KCNN2: variants seen among roughly 807,000 people sequenced by gnomAD.
KCNN2 encodes potassium calcium-activated channel subfamily N member 2.
A neutral mutation model predicts 55.5 loss-of-function variants in KCNN2; 24 were observed. That is an observed-to-expected ratio of 0.43 (90% CI 0.31 to 0.61). The LOEUF (loss-of-function observed/expected upper bound fraction) is 0.61. KCNN2 is among the 20% of genes least tolerant of loss of function. The probability of loss-of-function intolerance (pLI) is 0.08; values close to 1 mark genes in which losing one functional copy is unlikely to be tolerated. For missense variants in KCNN2, 754 were observed against 853.6 expected (o/e 0.88, Z 1.45); for synonymous variants, 431 against 336.1 (o/e 1.28, Z -3.09).
intron 2 of KCNN2, among the ~76,000 whole-genome samples, chr5:114,301,907 C>T (rs1053367271): frequency 1.3e-5 from 2 of 152,224 alleles, no homozygotes; most frequent in South Asian, 2.1e-4. Context: ...CTTATGTTAT[C>T]TCTAATACCC....
chr5:114,467,022 C>T (rs1761484393), intron 4 of KCNN2, among the ~76,000 whole-genome samples: 1 of 152,186 alleles, frequency 6.6e-6, no homozygotes, highest in South Asian at 2.1e-4. Context: ...AGCCTTTACA[C>T]AGCCTTGCCT....
chr5:114,411,203 T>G (rs1049460571), intron 3 of KCNN2, among the ~76,000 whole-genome samples: 3 of 152,176 alleles, frequency 2.0e-5, no homozygotes, highest in Non-Finnish European at 4.4e-5. Flanking sequence ...TTCACTCTAT[T>G]TTTTGTCACC....
rs1454757701 is a variant in KCNN2, at chr5:114,484,024, T to C, written c.1891-3026T>C. On this transcript the variant is annotated intron_variant, in intron 5 of 7. Coordinates refer to ENST00000673685, the MANE Select transcript of KCNN2 (RefSeq NM_021614.4). ...ATAATTCATCCATTATATGAATCTG[T>C]ATACCCTTGTTATCAAGAGGGTCCT... 3.3e-5 allele frequency among the ~76,000 whole-genome samples: 5 copies of C among 152,328 alleles called. No individual in the cohort carries two copies. In the East Asian group the frequency reaches 7.7e-4, roughly 24 times the overall value.
chr5:114,394,094 C>T (rs181455846), intron 2 of KCNN2, among the ~76,000 whole-genome samples: 141 of 152,226 alleles, frequency 9.3e-4, no homozygotes, highest in Admixed American at 3.7e-3. Context: ...TGCTCTCCTC[C>T]GATTGTACCA....
At chr5:114,076,545 A>G (rs539106720) in intron 1 of KCNN2, among the ~76,000 whole-genome samples, 15 of 152,248 alleles carry the variant, frequency 9.9e-5, no homozygotes, top group Non-Finnish European at 2.1e-4. Context: ...ATCCCATGAC[A>G]TGAGTGTCAG....
intron 3 of KCNN2, among the ~76,000 whole-genome samples, chr5:114,405,151 G>A (rs1168890051): frequency 2.0e-5 from 3 of 152,168 alleles, no homozygotes; most frequent in Non-Finnish European, 4.4e-5. Context: ...ACTTTTATTG[G>A]AAATGTGAGT....
intron 1 of KCNN2, among the ~76,000 whole-genome samples, chr5:114,074,329 T>TGTGCGC (rs1200712655): frequency 4.0e-4 from 56 of 138,746 alleles, no homozygotes; most frequent in Non-Finnish European, 5.4e-4. Context: ...TGTGTGTGTG[T>TGTGCGC]GCGCGCGCGC....
At chr5:114,144,154 G>A (rs539604076) in intron 1 of KCNN2, among the ~76,000 whole-genome samples, 7 of 152,232 alleles carry the variant, frequency 4.6e-5, no homozygotes, top group South Asian at 2.1e-4. Context: ...TGTCAATGGC[G>A]TTTTACTGAT....
chr5:114,486,760 T>TAAA (rs574199054), intron 5 of KCNN2: 4 of 1,061,240 alleles, frequency 3.8e-6, no homozygotes, highest in Admixed American at 2.8e-5. Flanking sequence ...ACCCCTTGAT[T>TAAA]AAAAAAAAAA....
chr5:114,077,263 G>T, intron 1 of KCNN2, among the ~76,000 whole-genome samples: 1 of 152,222 alleles, frequency 6.6e-6, no homozygotes, highest in South Asian at 2.1e-4. Flanking sequence ...ACTTACACCA[G>T]TATCAGTGGG....
At chr5:114,071,374 C>T (rs11949418) in intron 1 of KCNN2, among the ~76,000 whole-genome samples, 4 of 152,204 alleles carry the variant, frequency 2.6e-5, no homozygotes, top group African/African-American at 7.2e-5. Context: ...TCTTGGCTGT[C>T]AGATTACATT....
At chr5:114,364,616 C>CTT (rs398065116) in intron 2 of KCNN2, among the ~76,000 whole-genome samples, 69 of 138,508 alleles carry the variant, frequency 5.0e-4, no homozygotes, top group Non-Finnish European at 8.2e-4. Context: ...CTTGTGAGTT[C>CTT]TTTTTTTTTT....
intron 1 of KCNN2, among the ~76,000 whole-genome samples, chr5:114,132,580 A>G (rs988104543): frequency 6.6e-6 from 1 of 152,210 alleles, no homozygotes; most frequent in East Asian, 1.9e-4. Flanking sequence ...GAGAATACAT[A>G]TAATTTTTAA....
chr5:114,295,703 C>G (rs1341130444), intron 2 of KCNN2, among the ~76,000 whole-genome samples: 2 of 152,072 alleles, frequency 1.3e-5, no homozygotes, highest in Admixed American at 1.3e-4. Flanking sequence ...TGCACTAAAC[C>G]CACTTTCCTG....
At chr5:114,472,936 G>A (rs1580891704) in intron 4 of KCNN2, 118 bp from the exon 5 acceptor site, 2 of 570,602 alleles carry the variant, frequency 3.5e-6, no homozygotes, top group Non-Finnish European at 6.2e-6. Context: ...AATACTTATT[G>A]AAGACAATGT....
At chr5:114,383,819 A>T (rs1361788399) in intron 2 of KCNN2, among the ~76,000 whole-genome samples, 1 of 152,210 alleles carries the variant, frequency 6.6e-6, no homozygotes, top group Non-Finnish European at 1.5e-5. Flanking sequence ...CACCAACATG[A>T]CTAATGAGGA....
intron 6 of KCNN2, among the ~76,000 whole-genome samples, chr5:114,489,319 A>G (rs73247838): frequency 0.061 from 9,274 of 152,120 alleles, 888 homozygotes; most frequent in African/African-American, 0.21. Flanking sequence ...GTATTTGGGG[A>G]AGTTTAAAAA....
At chr5:114,370,883 A>T (rs1757744400) in intron 2 of KCNN2, among the ~76,000 whole-genome samples, 1 of 152,170 alleles carries the variant, frequency 6.6e-6, no homozygotes, top group South Asian at 2.1e-4. Context: ...AAGGCTCATG[A>T]TCCAGCTGAA....
chr5:114,313,640 T>C (rs555294865), intron 2 of KCNN2, among the ~76,000 whole-genome samples: 19 of 152,276 alleles, frequency 1.2e-4, no homozygotes, highest in African/African-American at 3.4e-4. Flanking sequence ...TCCAAGGAGA[T>C]GTTCTGCCTT....
Sources: gnomAD v4.1 joint callset for allele counts (sites outside exome capture counted in the v4.1 genomes callset) on GRCh38, gnomAD v4.1.1 for gene constraint, MANE v1.5 for transcripts, NCBI Gene and HGNC (gene_info 2026-07-23, HGNC 2026-07-21) for gene names.